SP4: variants seen among roughly 807,000 people sequenced by gnomAD.
SP4 encodes transcription factor Sp4.
Under a neutral mutation model 72.8 loss-of-function variants are expected in SP4, and 19 were observed. The ratio of observed to expected loss-of-function variants is 0.26; its 90% confidence interval spans 0.18 to 0.38. The LOEUF is 0.38. Among genes scored for constraint, SP4 ranks in the 10% least tolerant of loss-of-function variants. The pLI is 1.00. For missense variants in SP4, 1,008 were observed against 926.3 expected (o/e 1.09, Z -1.14); for synonymous variants, 395 against 333.1 (o/e 1.19, Z -2.02).
chr7:21,507,967 A>G (rs910759533), intron 5 of SP4, among the ~76,000 whole-genome samples: 1 of 151,980 alleles, frequency 6.6e-6, no homozygotes, highest in Non-Finnish European at 1.5e-5. Context: ...TCAACCTCTG[A>G]AAATGCCCAA....
chr7:21,435,607 A>G (rs1783025628), intron 3 of SP4, among the ~76,000 whole-genome samples: 1 of 151,938 alleles, frequency 6.6e-6, no homozygotes, highest in Non-Finnish European at 1.5e-5. Context: ...ATACTCATGT[A>G]CTCCTGTGTT....
intron 5 of SP4, among the ~76,000 whole-genome samples, chr7:21,484,870 T>TATA (rs1380516009): frequency 2.6e-5 from 4 of 151,898 alleles, no homozygotes; most frequent in Admixed American, 2.6e-4. Context: ...AGAATTTATA[T>TATA]ATACATATAC....
chr7:21,460,942 A>C (rs1441238679), intron 3 of SP4, among the ~76,000 whole-genome samples: 2 of 151,888 alleles, frequency 1.3e-5, no homozygotes, highest in Admixed American at 6.6e-5. Flanking sequence ...AGATTCTCCA[A>C]GTCCCCACCA....
chr7:21,458,742 G>C (rs896162839), intron 3 of SP4, among the ~76,000 whole-genome samples: 2 of 152,000 alleles, frequency 1.3e-5, no homozygotes, highest in African/African-American at 2.4e-5. Flanking sequence ...GGATTGCTTG[G>C]TAGAATATGC....
Position 21,429,747 on chromosome 7 carries a change from T to A in SP4, c.582T>A (p.Gly194=). The A allele has an allele frequency of 6.2e-7, 1 of 1,613,968 alleles. No individual in the cohort carries two copies. Among genetic ancestry groups the A allele is most frequent in the Non-Finnish European group, 8.5e-7 (1 of 1,179,938 alleles). Residue 194 remains glycine (G), a synonymous_variant, in exon 3 of 6, where the codon GGT becomes GGA. Coordinates refer to ENST00000222584, the MANE Select transcript of SP4 (RefSeq NM_003112.5). ...TSSSSLQDLQ[G]QIQLISAGNN... ...GTTCATCTCTACAGGATTTGCAGGG[T>A]CAAATTCAGCTCATTTCTGCAGGTA...
intron 4 of SP4, among the ~76,000 whole-genome samples, chr7:21,481,265 T>C (rs1296003808): frequency 6.6e-6 from 1 of 152,144 alleles, no homozygotes; most frequent in Non-Finnish European, 1.5e-5. Flanking sequence ...GCCATACTCC[T>C]CTGACCGGGA....
Position 21,477,204 on chromosome 7 carries a change from C to T in SP4, c.1804C>T (p.His602Tyr), listed in dbSNP as rs1292639215. The change falls in exon 4 of 6, where the codon CAT becomes TAT. Residue 602 changes from histidine to tyrosine, a missense_variant. His to Tyr is a moderately conservative substitution (Grantham distance 83). Coordinates refer to ENST00000222584, the MANE Select transcript of SP4 (RefSeq NM_003112.5). ...AVSPDQLTQV[H>Y]LQQGQQTSDQ... ...TAGTCCTGACCAACTCACACAAGTGCATTTGCAGCAAGGCCAGCAGACTTC... is the reference window on the plus strand; with the variant it reads ...TAGTCCTGACCAACTCACACAAGTGTATTTGCAGCAAGGCCAGCAGACTTC... 4.3e-6 allele frequency: 7 copies of T among 1,614,066 alleles called. No homozygotes were observed. Among genetic ancestry groups the T allele is most frequent in the African/African-American group, 1.3e-5 (1 of 74,934 alleles).
Position 21,511,517 on chromosome 7 carries a change from A to G in SP4, c.*248A>G. 4.5e-6 allele frequency: 2 copies of G among 444,102 alleles called. No individual in the cohort carries two copies. Among genetic ancestry groups the G allele is most frequent in the Non-Finnish European group, 8.1e-6 (2 of 246,298 alleles). The allele number at this position is 444,102 out of a possible 1,614,324, so 27.5% of individuals were successfully genotyped here. On this transcript the variant is annotated 3_prime_UTR_variant, in exon 6 of 6. Coordinates refer to ENST00000222584, the MANE Select transcript of SP4 (RefSeq NM_003112.5). ...ATAAGTTGTAGTTGTTTGGAAATAT[A>G]TCACATAACCTTTATACAGAATCTT... is the stretch of plus-strand genomic sequence containing the variant.
chr7:21,492,637 A>C (rs890915099), intron 5 of SP4, among the ~76,000 whole-genome samples: 2 of 152,332 alleles, frequency 1.3e-5, no homozygotes, highest in Admixed American at 1.3e-4. Flanking sequence ...CAATTTAAAA[A>C]CAGATGATAA....
intron 3 of SP4, among the ~76,000 whole-genome samples, chr7:21,434,997 CAA>C (rs1783000711): frequency 6.6e-6 from 1 of 152,068 alleles, no homozygotes; most frequent in Non-Finnish European, 1.5e-5. Context: ...TTCTACTAGT[CAA>C]AGAGCCCTAA....
chr7:21,477,916 A>G (rs575432193), intron 4 of SP4, among the ~76,000 whole-genome samples: 56 of 152,278 alleles, frequency 3.7e-4, no homozygotes, highest in African/African-American at 1.3e-3. Flanking sequence ...ACAGTTCACG[A>G]ATTTAAAGTG....
intron 5 of SP4, among the ~76,000 whole-genome samples, chr7:21,509,076 T>C (rs755291682): frequency 2.6e-5 from 4 of 152,156 alleles, no homozygotes; most frequent in Non-Finnish European, 4.4e-5. Flanking sequence ...TCAGTTCATT[T>C]TACTGTCTTA....
At chr7:21,479,663 A>G (rs966633957) in intron 4 of SP4, among the ~76,000 whole-genome samples, 41 of 152,370 alleles carry the variant, frequency 2.7e-4, no homozygotes, top group African/African-American at 9.6e-4. Flanking sequence ...GTTTCTATAA[A>G]GAAACCAGAT....
chr7:21,499,450 G>A (rs1014507485), intron 5 of SP4, among the ~76,000 whole-genome samples: 1 of 152,160 alleles, frequency 6.6e-6, no homozygotes, highest in Non-Finnish European at 1.5e-5. Context: ...AAGACACAGG[G>A]GAAAAGTCCA....
chr7:21,471,567 C>T (rs978867914), intron 3 of SP4, among the ~76,000 whole-genome samples: 8 of 152,162 alleles, frequency 5.3e-5, no homozygotes, highest in African/African-American at 1.7e-4. Context: ...GGTGCCATGG[C>T]TTGTGCCTAT....
chr7:21,469,642 A>G lies in SP4; in HGVS notation c.1679-7437A>G, dbSNP rs144991237. 6.8e-3 allele frequency among the ~76,000 whole-genome samples: 1,032 copies of G among 151,500 alleles called. 10 individuals are homozygous for G. Among genetic ancestry groups the G allele is most frequent in the African/African-American group, 0.024 (981 of 41,258 alleles). On this transcript the variant is annotated intron_variant, in intron 3 of 5. Transcript: ENST00000222584. Reference sequence around the variant, plus strand: ...CTGCAACCTCCGCCTCCCGGATCCAAGTGATTCTCTTGCCTCAGCCTACCA... The same window carrying G: ...CTGCAACCTCCGCCTCCCGGATCCAGGTGATTCTCTTGCCTCAGCCTACCA...
chr7:21,471,544 G>A (rs1784342368), intron 3 of SP4, among the ~76,000 whole-genome samples: 2 of 152,108 alleles, frequency 1.3e-5, no homozygotes, highest in South Asian at 4.1e-4. Flanking sequence ...ATCTTAATTG[G>A]GACAGTAAGC....
intron 3 of SP4, among the ~76,000 whole-genome samples, chr7:21,446,585 A>G (rs1783434365): frequency 6.6e-6 from 1 of 152,344 alleles, no homozygotes; most frequent in Non-Finnish European, 1.5e-5. Flanking sequence ...GTAAAATGAA[A>G]TACTTGAGGT....
intron 3 of SP4, among the ~76,000 whole-genome samples, chr7:21,462,468 T>C (rs1166999143): frequency 1.3e-5 from 2 of 152,182 alleles, no homozygotes; most frequent in African/African-American, 2.4e-5. Flanking sequence ...AAAGTGCTTG[T>C]GCCATTGAAA....
Sources: allele counts gnomAD v4.1 joint callset (sites outside exome capture counted in the v4.1 genomes callset), GRCh38; gene constraint gnomAD v4.1.1; transcripts MANE v1.5; gene names NCBI Gene and HGNC (gene_info 2026-07-23, HGNC 2026-07-21).